The following TANC2 variants were observed in gnomAD, a reference collection of about 807,000 sequenced individuals.
TANC2 encodes the protein protein TANC2.
In TANC2, 26 loss-of-function variants were observed where a neutral mutation model predicts 210.5. That is an observed-to-expected ratio of 0.12 (90% CI 0.09 to 0.17). TANC2 has a LOEUF of 0.17. Among genes scored for constraint, TANC2 ranks in the 10% least tolerant of loss-of-function variants. TANC2 has a pLI of 1.00. For missense variants in TANC2, 2,129 were observed against 2,608.9 expected (o/e 0.82, Z 4.01); for synonymous variants, 931 against 967.1 (o/e 0.96, Z 0.69).
intron 3 of TANC2, among the ~76,000 whole-genome samples, chr17:63,091,885 C>T (rs1022820712): frequency 3.3e-5 from 5 of 152,066 alleles, no homozygotes; most frequent in Non-Finnish European, 7.4e-5. Context: ...TCTTTTATTT[C>T]GTTGAGCAGT....
At chr17:63,162,513 TAGAG>T (rs1029929489) in intron 5 of TANC2, among the ~76,000 whole-genome samples, 11 of 152,146 alleles carry the variant, frequency 7.2e-5, no homozygotes, top group African/African-American at 2.6e-4. Context: ...TGTGCTCTGG[TAGAG>T]AGAGGAAATT....
intron 1 of TANC2, among the ~76,000 whole-genome samples, chr17:62,992,322 A>G (rs1344216795): frequency 6.6e-6 from 1 of 152,154 alleles, no homozygotes. Flanking sequence ...TATAAGATTT[A>G]TGTTTCTGTA....
At chr17:63,323,993 A>G (rs2045570763) in intron 11 of TANC2, among the ~76,000 whole-genome samples, 1 of 152,226 alleles carries the variant, frequency 6.6e-6, no homozygotes, top group Admixed American at 6.5e-5. Flanking sequence ...CTCTAGTGTG[A>G]CAGGAAGGAA....
intron 7 of TANC2, among the ~76,000 whole-genome samples, chr17:63,209,928 A>G (rs1003968298): frequency 6.6e-6 from 1 of 152,236 alleles, no homozygotes; most frequent in Admixed American, 6.5e-5. Flanking sequence ...TTATTCTCTC[A>G]ATGGTGTAAA....
intron 4 of TANC2, among the ~76,000 whole-genome samples, chr17:63,130,025 A>T (rs1365809176): frequency 6.6e-6 from 1 of 152,178 alleles, no homozygotes; most frequent in Non-Finnish European, 1.5e-5. Context: ...TGTTTTAATG[A>T]TGAGTCCAAT....
chr17:63,196,453 C>T (rs1027319285), intron 6 of TANC2, among the ~76,000 whole-genome samples: 1 of 152,204 alleles, frequency 6.6e-6, no homozygotes, highest in Non-Finnish European at 1.5e-5. Context: ...CATTTCTACA[C>T]AGCTACATTT....
At chr17:62,994,188 T>G (rs1203512208) in intron 1 of TANC2, among the ~76,000 whole-genome samples, 2 of 152,032 alleles carry the variant, frequency 1.3e-5, no homozygotes, top group Non-Finnish European at 2.9e-5. Flanking sequence ...TTTTTTTTTT[T>G]TTTGAGACAA....
chr17:63,351,523 A>G (rs569253577), intron 13 of TANC2, 107 bp downstream of exon 13: 53 of 782,910 alleles, frequency 6.8e-5, no homozygotes, highest in Non-Finnish European at 9.6e-5. Flanking sequence ...GTCCTAGAGC[A>G]TTATGAAGAA....
At chr17:63,301,868 T>C (rs761386305) in intron 9 of TANC2, among the ~76,000 whole-genome samples, 9 of 152,200 alleles carry the variant, frequency 5.9e-5, no homozygotes, top group Non-Finnish European at 1.2e-4. Flanking sequence ...AATTGTGATG[T>C]TAGGGTGTCA....
intron 9 of TANC2, 120 bp from the exon 10 acceptor site, chr17:63,314,268 A>G: frequency 9.2e-7 from 1 of 1,085,936 alleles, no homozygotes; most frequent in South Asian, 1.6e-5. Context: ...ATTTCTGAAT[A>G]AGCCTAGGAT....
intron 9 of TANC2, among the ~76,000 whole-genome samples, chr17:63,283,794 T>C (rs2044137271): frequency 6.6e-6 from 1 of 152,052 alleles, no homozygotes; most frequent in South Asian, 2.1e-4. Context: ...TCATTGCCAA[T>C]ATATAGAAGT....
At position 63,395,881 on chromosome 17, in the gene TANC2, G is replaced by A. The variant is rs746436568; in HGVS notation, c.3190G>A (p.Ala1064Thr). The A allele has an allele frequency of 6.2e-7, 1 of 1,610,850 alleles. No individual in the cohort carries two copies. The highest frequency in any genetic ancestry group is 8.5e-7 in the Non-Finnish European group (1 of 1,178,502). ...GCAAGGAGTATTTAAGAAGAGCCAT[G>A]CCATCCAACAGGCCCTCATTGCTGC... The change falls in exon 18 of 28, where the codon GCC becomes ACC. Residue 1064 changes from alanine to threonine, a missense_variant. Ala to Thr is a moderately conservative substitution (Grantham distance 58, BLOSUM62 0). Coordinates refer to ENST00000689528, the Ensembl canonical transcript of TANC2.
At chr17:63,074,410 G>A (rs1477546948) in intron 3 of TANC2, among the ~76,000 whole-genome samples, 4 of 151,860 alleles carry the variant, frequency 2.6e-5, no homozygotes. Flanking sequence ...GTTTTTGTTG[G>A]TAATTGCTAT....
At chr17:63,210,978 T>C (rs2041868065) in intron 7 of TANC2, among the ~76,000 whole-genome samples, 1 of 152,174 alleles carries the variant, frequency 6.6e-6, no homozygotes, top group South Asian at 2.1e-4. Flanking sequence ...GACAGATACC[T>C]GAGAGGAGCC....
At chr17:63,321,640 C>G (rs1419618256) in intron 11 of TANC2, among the ~76,000 whole-genome samples, 1 of 152,134 alleles carries the variant, frequency 6.6e-6, no homozygotes, top group Non-Finnish European at 1.5e-5. Flanking sequence ...TCTTGGGTGC[C>G]AGCATTTTGG....
At chr17:63,392,112 G>A (rs2047999166) in intron 17 of TANC2, among the ~76,000 whole-genome samples, 1 of 152,046 alleles carries the variant, frequency 6.6e-6, no homozygotes, top group Non-Finnish European at 1.5e-5. Flanking sequence ...AGATCCTCTG[G>A]TCTTCCTTCC....
intron 1 of TANC2, among the ~76,000 whole-genome samples, chr17:63,000,856 A>G (rs1050025153): frequency 1.8e-4 from 27 of 151,634 alleles, no homozygotes; most frequent in African/African-American, 5.6e-4. Context: ...TCAGTTTTCT[A>G]TTGGTATGTT....
intron 2 of TANC2, among the ~76,000 whole-genome samples, chr17:63,010,465 T>G (rs2033816054): frequency 6.6e-6 from 1 of 151,932 alleles, no homozygotes; most frequent in Non-Finnish European, 1.5e-5. Flanking sequence ...TATGTGGGTT[T>G]TTTTTTTTTT....
At chr17:63,415,756 T>A (rs957159048) in intron 26 of TANC2, 82 bp downstream of exon 26, 15 of 1,523,618 alleles carry the variant, frequency 9.8e-6, no homozygotes, top group Admixed American at 2.0e-5. Context: ...ACCAGGCCCC[T>A]GAAATCCTCC....
Sources: gnomAD v4.1 joint callset for allele counts (sites outside exome capture counted in the v4.1 genomes callset) on GRCh38, gnomAD v4.1.1 for gene constraint, MANE v1.5 for transcripts, NCBI Gene and HGNC (gene_info 2026-07-23, HGNC 2026-07-21) for gene names.